Variants in FEV observed in about 807,000 individuals in gnomAD.
The protein encoded by FEV is FEV transcription factor, ETS family member, also known as protein FEV.
Under a neutral mutation model 20.5 loss-of-function variants are expected in FEV, and 14 were observed. The ratio of observed to expected loss-of-function variants is 0.68; its 90% confidence interval spans 0.45 to 1.07. FEV has a LOEUF of 1.07. FEV is among the 50% of genes least tolerant of loss of function. The pLI is 0.00. For synonymous variants in FEV, 188 were observed against 163.7 expected (o/e 1.15, Z -1.13); for missense variants, 301 against 345.3 (o/e 0.87, Z 1.02).
Position 218,985,109 on chromosome 2 carries a change from GGACGGGGAAGGGGGGC to G in FEV, c.-50_-35del. 1 of 1,465,356 alleles carries G rather than the reference GGACGGGGAAGGGGGGC, an allele frequency of 6.8e-7. No homozygotes were observed. The highest frequency in any genetic ancestry group is 9.2e-7 in the Non-Finnish European group (1 of 1,087,648). 90.8% of individuals were successfully genotyped at this position (1,465,356 alleles called of 1,614,324 possible). ...GGGACTGGGCGGTGGGAGATGGGGG[GGACGGGGAAGGGGGGC>G]GAGGCAGGCTTTGCGCTCGGTGGCA... On this transcript the variant is annotated 5_prime_UTR_variant, in exon 1 of 3. Coordinates refer to ENST00000295727, the MANE Select transcript of FEV (RefSeq NM_017521.3).
chr2:218,985,040 G>C lies in FEV; in HGVS notation c.36C>G (p.Ile12Met). The change falls in exon 1 of 3, where the codon ATC becomes ATG. Residue 12 changes from isoleucine (I) to methionine (M), a missense_variant. By Grantham distance (10) the Ile-to-Met change is conservative (BLOSUM62 1). Coordinates refer to ENST00000295727, the MANE Select transcript of FEV (RefSeq NM_017521.3). The part of the protein sequence containing the change: ...RQSGASQPLL[I>M]NMYLPDPVGD... Reference sequence around the variant, plus strand: ...CCCTGGTACCTGGCAGGTACATGTTGATCAGCAGGGGCTGGGAGGCGCCGC... The same window carrying C: ...CCCTGGTACCTGGCAGGTACATGTTCATCAGCAGGGGCTGGGAGGCGCCGC... The C allele has an allele frequency of 6.4e-7, 1 of 1,559,572 alleles. No individual in the cohort carries two copies. The highest frequency in any genetic ancestry group is 8.7e-7 in the Non-Finnish European group (1 of 1,151,910).
At position 218,985,105 on chromosome 2, in the gene FEV, GGGGGGACGGGGAA is replaced by G; in HGVS notation, c.-43_-31del. The G allele has an allele frequency of 1.3e-6, 2 of 1,492,374 alleles. No homozygotes were observed. The highest frequency in any genetic ancestry group is 1.8e-6 in the Non-Finnish European group (2 of 1,108,980). 92.4% of individuals were successfully genotyped at this position (1,492,374 alleles called of 1,614,324 possible). On this transcript the variant is annotated 5_prime_UTR_variant, in exon 1 of 3. Coordinates refer to ENST00000295727, the MANE Select transcript of FEV (RefSeq NM_017521.3). ...GCCGGGGACTGGGCGGTGGGAGATGGGGGGGACGGGGAAGGGGGGCGAGGCAGGCTTTGCGCTC... is the reference window on the plus strand; with the variant it reads ...GCCGGGGACTGGGCGGTGGGAGATGGGGGGGGCGAGGCAGGCTTTGCGCTC...
Position 218,981,547 on chromosome 2 carries a change from G to T in FEV, c.*120C>A. ...CGTCCCCCTGCTAAGTGCGGCAGGTGGAGTAAACTCTGGATTAGAGGACGG... is the reference window on the plus strand; with the variant it reads ...CGTCCCCCTGCTAAGTGCGGCAGGTTGAGTAAACTCTGGATTAGAGGACGG... On this transcript the variant is annotated 3_prime_UTR_variant, in exon 3 of 3. Transcript: ENST00000295727. The surrounding 1 kb of genome is among the most constrained non-coding windows in gnomAD (Gnocchi z 4.5). 2.6e-6 allele frequency: 2 copies of T among 758,740 alleles called. No individual in the cohort carries two copies. Among genetic ancestry groups the T allele is most frequent in the Non-Finnish European group, 3.6e-6 (2 of 556,132 alleles). The allele number at this position is 758,740 out of a possible 1,614,324, so 47.0% of individuals were successfully genotyped here. A position where few individuals can be genotyped will look rare whatever the true frequency, so the allele number is the denominator to read the frequency against.
rs1348118742 is a variant in FEV at position 218,981,339 on chromosome 2, T to TA, written c.*327dup. Reference sequence around the variant, plus strand: ...GAGTAGTGATATTGAATGGGGCTTCTAGGAGCCAGGCGGAAATGCACTGGA... The same window carrying TA: ...GAGTAGTGATATTGAATGGGGCTTCTAAGGAGCCAGGCGGAAATGCACTGGA... On this transcript the variant is annotated 3_prime_UTR_variant, in exon 3 of 3. Coordinates refer to ENST00000295727, the MANE Select transcript of FEV (RefSeq NM_017521.3). The surrounding 1 kb of genome is among the most constrained non-coding windows in gnomAD (Gnocchi z 4.5). The TA allele has an allele frequency of 6.8e-6, 2 of 292,720 alleles. No homozygotes were observed. Among genetic ancestry groups the TA allele is most frequent in the Admixed American group, 5.1e-5 (1 of 19,440 alleles). The allele number at this position is 292,720 out of a possible 1,614,324, so 18.1% of individuals were successfully genotyped here. A position where few individuals can be genotyped will look rare whatever the true frequency, so the allele number is the denominator to read the frequency against.
At position 218,981,757 on chromosome 2, in the gene FEV, G is replaced by C. The variant is rs1945388257; in HGVS notation, c.627C>G (p.Ala209=). 8 of 1,276,354 alleles carry C rather than the reference G, an allele frequency of 6.3e-6. No individual in the cohort carries two copies. The highest frequency in any genetic ancestry group is 1.5e-5 in the African/African-American group (1 of 64,556). 79.1% of individuals were successfully genotyped at this position (1,276,354 alleles called of 1,614,324 possible). The stretch of plus-strand genomic sequence containing the variant: ...GCAAGCTGGGACTGGGGTAGAGCGC[G>C]GCGGTGGCGGCGGCAGCGGTGGCGG... ...GPAATAAAAT[A]ALYPSPSLQP... Residue 209 remains alanine (A), a synonymous_variant, in exon 3 of 3, where the codon GCC becomes GCG. Coordinates refer to ENST00000295727, the MANE Select transcript of FEV (RefSeq NM_017521.3). This position sits in a 1 kb window ranked among gnomAD's most constrained non-coding sequence, Gnocchi z 4.5.
Position 218,981,536 on chromosome 2 carries a change from G to A in FEV, c.*131C>T, listed in dbSNP as rs548843046. 311 of 686,546 alleles carry A rather than the reference G, an allele frequency of 4.5e-4. No individual in the cohort carries two copies. The highest frequency in any genetic ancestry group is 5.9e-4 in the Non-Finnish European group (288 of 490,504). The allele number at this position is 686,546 out of a possible 1,614,324, so 42.5% of individuals were successfully genotyped here. On this transcript the variant is annotated 3_prime_UTR_variant, in exon 3 of 3. Coordinates refer to ENST00000295727, the MANE Select transcript of FEV (RefSeq NM_017521.3). The surrounding 1 kb of genome is among the most constrained non-coding windows in gnomAD (Gnocchi z 4.5). ...AGCTTCGGTCCCGTCCCCCTGCTAA[G>A]TGCGGCAGGTGGAGTAAACTCTGGA...
At position 218,985,084 on chromosome 2, in the gene FEV, G is replaced by T; in HGVS notation, c.-9C>A. 1 of 1,546,492 alleles carries T rather than the reference G, an allele frequency of 6.5e-7. No homozygotes were observed. Among genetic ancestry groups the T allele is most frequent in the East Asian group, 2.5e-5 (1 of 40,566 alleles). ...GCGCCGCTCTGTCTCATCGCCGCCG[G>T]GGACTGGGCGGTGGGAGATGGGGGG... On this transcript the variant is annotated 5_prime_UTR_variant, in exon 1 of 3. Transcript: ENST00000295727.
intron 2 of FEV, among the ~76,000 whole-genome samples, chr2:218,983,773 G>C (rs913399108): frequency 6.6e-6 from 1 of 152,236 alleles, no homozygotes; most frequent in African/African-American, 2.4e-5. Context: ...GTCTGGCAGA[G>C]TTGGCCAGCA....
Position 218,981,946 on chromosome 2 carries a change from G to A in FEV, c.438C>T (p.Ala146=). Residue 146 remains alanine, a synonymous_variant, in exon 3 of 3, where the codon GCC becomes GCT. Transcript: ENST00000295727. The surrounding 1 kb of genome is among the most constrained non-coding windows in gnomAD (Gnocchi z 4.5). ...QPPPAHAHAA[A]AAAAAAAAAQ... is the part of the protein sequence containing the mutation. The stretch of plus-strand genomic sequence containing the variant: ...CGGCCGCGGCGGCGGCAGCAGCTGC[G>A]GCGGCGGCATGAGCGTGCGCGGGCG... The A allele has an allele frequency of 6.9e-7, 1 of 1,443,516 alleles. No homozygotes were observed. The highest frequency in any genetic ancestry group is 9.1e-7 in the Non-Finnish European group (1 of 1,102,814). The allele number at this position is 1,443,516 out of a possible 1,614,324, so 89.4% of individuals were successfully genotyped here. A position where few individuals can be genotyped will look rare whatever the true frequency, so the allele number is the denominator to read the frequency against.
rs1945428382 is a variant in FEV, at chr2:218,985,113, G to A, written c.-38C>T. 7.0e-7 allele frequency: 1 copy of A among 1,429,152 alleles called. No individual in the cohort carries two copies. Among genetic ancestry groups the A allele is most frequent in the Non-Finnish European group, 9.4e-7 (1 of 1,059,392 alleles). 88.5% of individuals were successfully genotyped at this position (1,429,152 alleles called of 1,614,324 possible). A position where few individuals can be genotyped will look rare whatever the true frequency, so the allele number is the denominator to read the frequency against. On this transcript the variant is annotated 5_prime_UTR_variant, in exon 1 of 3. Coordinates refer to ENST00000295727, the MANE Select transcript of FEV (RefSeq NM_017521.3). The stretch of plus-strand genomic sequence containing the variant: ...CTGGGCGGTGGGAGATGGGGGGGAC[G>A]GGGAAGGGGGGCGAGGCAGGCTTTG...
intron 2 of FEV, among the ~76,000 whole-genome samples, chr2:218,983,046 A>C (rs1945405764): frequency 6.6e-6 from 1 of 152,194 alleles, no homozygotes; most frequent in African/African-American, 2.4e-5. Context: ...CGAAGGTGCC[A>C]TAGTTCTCGG....
rs1945390144 is a variant in FEV, at chr2:218,981,861, G to C, written c.523C>G (p.Leu175Val). 2 of 1,238,928 alleles carry C rather than the reference G, an allele frequency of 1.6e-6. No individual in the cohort carries two copies. Among genetic ancestry groups the C allele is most frequent in the East Asian group, 3.3e-5 (1 of 30,352 alleles). 76.7% of individuals were successfully genotyped at this position (1,238,928 alleles called of 1,614,324 possible). ...GCGGCCATGAGGTTGAGTTTGGAGA[G>C]GCCGGGGAAGGGCAGCGGGGCGAGG... Reference protein sequence around the residue: ...AGLAPLPFPGLSKLNLMAASA... With the variant: ...AGLAPLPFPGVSKLNLMAASA... The change falls in exon 3 of 3, where the codon CTC becomes GTC. Residue 175 changes from leucine (L) to valine (V), a missense_variant. Transcript: ENST00000295727. This position sits in a 1 kb window ranked among gnomAD's most constrained non-coding sequence, Gnocchi z 4.5.
intron 2 of FEV, among the ~76,000 whole-genome samples, chr2:218,983,455 T>C (rs1945409455): frequency 6.6e-6 from 1 of 152,214 alleles, no homozygotes; most frequent in East Asian, 1.9e-4. Context: ...AAGAGCTTCC[T>C]GGTTTCTGGT....
At position 218,981,937 on chromosome 2, in the gene FEV, A is replaced by AGCAGCTGCGGCGGCG. The variant is rs2106010748; in HGVS notation, c.432_446dup (p.Ala151_Ala155dup). The AGCAGCTGCGGCGGCG allele has an allele frequency of 7.2e-7, 1 of 1,385,662 alleles. No homozygotes were observed. Among genetic ancestry groups the AGCAGCTGCGGCGGCG allele is most frequent in the African/African-American group, 1.5e-5 (1 of 66,058 alleles). 85.8% of individuals were successfully genotyped at this position (1,385,662 alleles called of 1,614,324 possible). A position where few individuals can be genotyped will look rare whatever the true frequency, so the allele number is the denominator to read the frequency against. On this transcript the variant is annotated inframe_insertion, in exon 3 of 3. Coordinates refer to ENST00000295727, the MANE Select transcript of FEV (RefSeq NM_017521.3). This position sits in a 1 kb window ranked among gnomAD's most constrained non-coding sequence, Gnocchi z 4.5. ...CGTCCTGGGCGGCCGCGGCGGCGGC[A>AGCAGCTGCGGCGGCG]GCAGCTGCGGCGGCGGCATGAGCGT...
rs3770222 is a variant in FEV, at chr2:218,982,391, C to T, written c.128-135G>A. On this transcript the variant is annotated intron_variant, in intron 2 of 2. Transcript: ENST00000295727. ...AAAAGTGCAAGTCAAACTGCAGCTG[C>T]GTTCGGCGGGAGAGGCCGGCCCCGG... 213 of 809,560 alleles carry T rather than the reference C, an allele frequency of 2.6e-4. No individual in the cohort carries two copies. The East Asian group carries it at 5.7e-3, about 22-fold the overall frequency. 50.1% of individuals were successfully genotyped at this position (809,560 alleles called of 1,614,324 possible).
rs1488930516 is a variant in FEV, at chr2:218,982,049, T to C, written c.335A>G (p.Asn112Ser). 2.5e-6 allele frequency: 4 copies of C among 1,613,640 alleles called. No individual in the cohort carries two copies. The African/African-American group carries it at 5.3e-5, about 22-fold the overall frequency. The change falls in exon 3 of 3, where the codon AAC (asparagine) becomes AGC (serine). Residue 112 changes from asparagine to serine, a missense_variant. Physicochemically the swap from Asn to Ser is conservative, Grantham distance 46. Coordinates refer to ENST00000295727, the MANE Select transcript of FEV (RefSeq NM_017521.3). ...CTTGCCATGCACCTTGCTCATGATGTTCTTGTCGTAGTAGTAGCGCAGGGC... is the reference window on the plus strand; with the variant it reads ...CTTGCCATGCACCTTGCTCATGATGCTCTTGTCGTAGTAGTAGCGCAGGGC... ...SRALRYYYDK[N>S]IMSKVHGKRY...
chr2:218,984,242 G>T lies in FEV; in HGVS notation c.116C>A (p.Ala39Glu), dbSNP rs905947689. 1.2e-5 allele frequency: 19 copies of T among 1,597,526 alleles called. No homozygotes were observed. The highest frequency in any genetic ancestry group is 1.4e-5 in the Non-Finnish European group (17 of 1,172,474). Reference sequence around the variant, plus strand: ...GCCGGCCATCTCACCTTTCTGAACCGCGGGGCTCAGCGGCCCCCAGCTCGG... The same window carrying T: ...GCCGGCCATCTCACCTTTCTGAACCTCGGGGCTCAGCGGCCCCCAGCTCGG... ...KNPSWGPLSP[A>E]VQKGSGQIQL... The change falls in exon 2 of 3, where the codon GCG becomes GAG. Residue 39 changes from alanine to glutamate, a missense_variant. Physicochemically the swap from Ala to Glu is moderately radical, Grantham distance 107 (BLOSUM62 -1). Coordinates refer to ENST00000295727, the MANE Select transcript of FEV (RefSeq NM_017521.3). This position sits in a 1 kb window ranked among gnomAD's most constrained non-coding sequence, Gnocchi z 5.0.
At position 218,984,104 on chromosome 2, in the gene FEV, G is replaced by T; in HGVS notation, c.127+127C>A. 2.2e-6 allele frequency: 2 copies of T among 901,526 alleles called. No individual in the cohort carries two copies. The highest frequency in any genetic ancestry group is 2.0e-5 in the South Asian group (1 of 50,490). 55.8% of individuals were successfully genotyped at this position (901,526 alleles called of 1,614,324 possible). ...AAGTGACTGTCTTCCCAAGGCCTCCGCACAACCAGGCCAGGACTCCGGGCT... is the reference window on the plus strand; with the variant it reads ...AAGTGACTGTCTTCCCAAGGCCTCCTCACAACCAGGCCAGGACTCCGGGCT... On this transcript the variant is annotated intron_variant, in intron 2 of 2. Coordinates refer to ENST00000295727, the MANE Select transcript of FEV (RefSeq NM_017521.3). This position sits in a 1 kb window ranked among gnomAD's most constrained non-coding sequence, Gnocchi z 5.0.
At chr2:218,983,675 G>A (rs1945410959) in intron 2 of FEV, among the ~76,000 whole-genome samples, 2 of 152,232 alleles carry the variant, frequency 1.3e-5, no homozygotes, top group Non-Finnish European at 2.9e-5. Context: ...ACTGTGGGGA[G>A]ACGCTGCTTG....
Sources: allele counts gnomAD v4.1 joint callset (sites outside exome capture counted in the v4.1 genomes callset), GRCh38; gene constraint gnomAD v4.1.1; non-coding constraint Gnocchi (gnomAD v3.1); transcripts MANE v1.5; gene names NCBI Gene and HGNC (gene_info 2026-07-23, HGNC 2026-07-21).